Variants in OPCML observed in about 807,000 individuals in gnomAD.
OPCML encodes opioid-binding protein/cell adhesion molecule.
In OPCML, 13 loss-of-function variants were observed where a neutral mutation model predicts 37.8. The ratio of observed to expected loss-of-function variants is 0.34; its 90% CI spans 0.22 to 0.55. OPCML has a LOEUF of 0.55. OPCML is among the 20% of genes least tolerant of loss of function. OPCML has a pLI of 0.91. For missense variants in OPCML, 341 were observed against 435.6 expected, an observed-to-expected ratio of 0.78 and a Z score of 1.93; for synonymous variants, 176 against 168.8, an observed-to-expected ratio of 1.04 and a Z score of -0.33.
chr11:133,138,073 G>A lies in OPCML; in HGVS notation c.62-195063C>T, dbSNP rs146125995. On this transcript the variant is annotated intron_variant, in intron 1 of 7. Coordinates refer to ENST00000524381, the MANE Select transcript of OPCML (RefSeq NM_001012393.5). ...CGGTGGGAGGTGTTTGGGTCCTGGG[G>A]GTGGATTCCTCATGAATAGATTAAT... 5.5e-3 allele frequency among the ~76,000 whole-genome samples: 833 copies of A among 152,244 alleles called. 5 individuals carry two copies. The highest frequency in any genetic ancestry group is 7.5e-3 in the Non-Finnish European group (513 of 68,030).
At chr11:133,110,463 T>G (rs188174431) in intron 1 of OPCML, among the ~76,000 whole-genome samples, 69 of 152,188 alleles carry the variant, frequency 4.5e-4, no homozygotes, top group African/African-American at 1.5e-3. Context: ...ATAGCAGAGG[T>G]CACAGGCCCC....
intron 2 of OPCML, among the ~76,000 whole-genome samples, chr11:132,696,737 GAC>G (rs146076266): frequency 4.0e-5 from 6 of 151,084 alleles, no homozygotes; most frequent in Middle Eastern, 3.4e-3. Flanking sequence ...CTTATGCAGA[GAC>G]ACACACACAC....
chr11:132,488,519 C>T (rs2096206803), intron 4 of OPCML, among the ~76,000 whole-genome samples: 1 of 152,110 alleles, frequency 6.6e-6, no homozygotes, highest in Non-Finnish European at 1.5e-5. Flanking sequence ...AAAAGGTATA[C>T]TTGTATAGGG....
intron 1 of OPCML, chr11:133,299,607 A>C (rs1942730048): frequency 6.6e-6 from 1 of 152,270 alleles, no homozygotes; most frequent in Non-Finnish European, 1.5e-5. Flanking sequence ...CGTATGAGAA[A>C]GTGAGACAAG....
At chr11:133,362,899 T>C (rs751335689) in intron 1 of OPCML, among the ~76,000 whole-genome samples, 2 of 152,166 alleles carry the variant, frequency 1.3e-5, no homozygotes, top group African/African-American at 2.4e-5. Flanking sequence ...AGGGTGGTGA[T>C]GTCTGCAATA....
intron 1 of OPCML, among the ~76,000 whole-genome samples, chr11:133,446,342 C>T (rs1436759267): frequency 1.3e-5 from 2 of 152,158 alleles, no homozygotes; most frequent in Non-Finnish European, 2.9e-5. Context: ...TTAAAAAATT[C>T]CCTTACTATA....
chr11:132,998,993 A>G (rs1188299951), intron 1 of OPCML, among the ~76,000 whole-genome samples: 2 of 152,246 alleles, frequency 1.3e-5, no homozygotes, highest in Non-Finnish European at 2.9e-5. Flanking sequence ...CTCTGAAGTC[A>G]TCTAGCCAAA....
chr11:133,194,103 T>C (rs746771017), intron 1 of OPCML, among the ~76,000 whole-genome samples: 11 of 152,160 alleles, frequency 7.2e-5, no homozygotes, highest in South Asian at 4.1e-4. Flanking sequence ...GAGAAGCTAA[T>C]ATACCTTGAT....
intron 1 of OPCML, among the ~76,000 whole-genome samples, chr11:133,114,282 C>T (rs1565454537): frequency 1.3e-5 from 2 of 152,306 alleles, no homozygotes; most frequent in South Asian, 4.1e-4. Flanking sequence ...TGGTCTTCCC[C>T]ATCCCAGTCA....
chr11:132,754,843 A>T (rs1364517325), intron 2 of OPCML, among the ~76,000 whole-genome samples: 1 of 152,148 alleles, frequency 6.6e-6, no homozygotes, highest in African/African-American at 2.4e-5. Flanking sequence ...TGACTTGGCT[A>T]GTTTCTGGAA....
At chr11:133,026,139 C>T (rs1947550071) in intron 1 of OPCML, 9 of 953,950 alleles carry the variant, frequency 9.4e-6, no homozygotes, top group Non-Finnish European at 1.1e-5. Flanking sequence ...TATTAGAAAA[C>T]ACCACCCATC....
At chr11:132,636,790 CG>C in intron 3 of OPCML, among the ~76,000 whole-genome samples, 1 of 152,134 alleles carries the variant, frequency 6.6e-6, no homozygotes, top group Middle Eastern at 3.4e-3. Context: ...CTGGGAGGCT[CG>C]GGGATAGTTT....
chr11:132,480,240 G>A (rs184911920), intron 4 of OPCML, among the ~76,000 whole-genome samples: 37 of 152,262 alleles, frequency 2.4e-4, no homozygotes, highest in African/African-American at 6.3e-4. Context: ...CTCAGGAGCC[G>A]ATGCAATCAA....
intron 2 of OPCML, among the ~76,000 whole-genome samples, chr11:132,711,713 TGTG>T (rs1399817156): frequency 6.6e-6 from 1 of 152,214 alleles, no homozygotes; most frequent in Non-Finnish European, 1.5e-5. Flanking sequence ...TACATATACA[TGTG>T]TGTGGTATAC....
chr11:132,560,383 G>A (rs984726665), intron 3 of OPCML, among the ~76,000 whole-genome samples: 1 of 152,042 alleles, frequency 6.6e-6, no homozygotes, highest in African/African-American at 2.4e-5. Context: ...ATATGTTTTT[G>A]GGTAACAGGT....
At chr11:132,745,580 A>AAAGAAAG (rs71067390) in intron 2 of OPCML, among the ~76,000 whole-genome samples, 162 of 87,544 alleles carry the variant, frequency 1.9e-3, no homozygotes, top group African/African-American at 3.7e-3. Context: ...AAAAAAAAAA[A>AAAGAAAG]AAAGAAAGAA....
chr11:132,438,273 G>A (rs775350936), intron 4 of OPCML, among the ~76,000 whole-genome samples: 19 of 152,282 alleles, frequency 1.2e-4, no homozygotes, highest in East Asian at 7.7e-4. Flanking sequence ...TCTGAGTTCT[G>A]TCAAAACACT....
intron 1 of OPCML, chr11:133,006,248 G>T: frequency 1.8e-6 from 1 of 561,956 alleles, no homozygotes; most frequent in Non-Finnish European, 2.3e-6. Context: ...GATTCAAGCT[G>T]CCAGTGGGAA....
chr11:132,564,617 G>A (rs186823047), intron 3 of OPCML, among the ~76,000 whole-genome samples: 18 of 152,114 alleles, frequency 1.2e-4, no homozygotes, highest in Admixed American at 7.9e-4. Context: ...AGTGTGACAG[G>A]CGCTTAGAAA....
Sources: gnomAD v4.1 joint callset for allele counts (sites outside exome capture counted in the v4.1 genomes callset) on GRCh38, gnomAD v4.1.1 for gene constraint, MANE v1.5 for transcripts, NCBI Gene and HGNC (gene_info 2026-07-23, HGNC 2026-07-21) for gene names.